Variants in CALY observed in about 807,000 individuals in gnomAD.
CALY encodes the protein calcyon neuron specific vesicular protein, also known as neuron-specific vesicular protein calcyon.
A neutral mutation model predicts 20.2 loss-of-function variants in CALY; 15 were observed. That is an observed-to-expected ratio of 0.74 (90% CI 0.50 to 1.14). The LOEUF (loss-of-function observed/expected upper bound fraction) is 1.14. CALY is among the 50% of genes most tolerant of loss of function. The pLI is 0.00. For synonymous variants in CALY, 129 were observed against 131.8 expected (o/e 0.98, Z 0.15); for missense variants, 270 against 304.4 (o/e 0.89, Z 0.84).
chr10:133,329,146 G>C, intron 1 of CALY, 137 bp from the exon 2 acceptor site: 1 of 723,388 alleles, frequency 1.4e-6, no homozygotes, highest in South Asian at 2.0e-5. Context: ...TAAGTGGTCA[G>C]GCCAGCCTCC....
chr10:133,327,500 A>G, intron 3 of CALY: 1 of 567,142 alleles, frequency 1.8e-6, no homozygotes, highest in Non-Finnish European at 3.1e-6. Flanking sequence ...GACTAAAGCT[A>G]TCATTAGTAA....
rs2136168042 is a variant in CALY, at chr10:133,327,097, T to C, written c.247-106A>G. ...ACAGGACCATCCCCGCCCTCCAGTCTTGATGCCCCACCCCCGCCCTGGGCA... is the reference window on the plus strand; with the variant it reads ...ACAGGACCATCCCCGCCCTCCAGTCCTGATGCCCCACCCCCGCCCTGGGCA... On this transcript the variant is annotated intron_variant, in intron 3 of 5. Coordinates refer to ENST00000252939, the MANE Select transcript of CALY (RefSeq NM_015722.4). 5.2e-6 allele frequency: 4 copies of C among 763,418 alleles called. No homozygotes were observed. In the South Asian group the frequency reaches 6.2e-5, roughly 12 times the overall value. 47.3% of individuals were successfully genotyped at this position (763,418 alleles called of 1,614,324 possible).
In CALY at chr10:133,330,657, CAAA is replaced by C. The variant is rs58004815; in HGVS notation, c.-20-1651_-20-1649del. 1.3e-4 allele frequency among the ~76,000 whole-genome samples: 6 copies of C among 44,844 alleles called. 2 individuals are homozygous for C. In the South Asian group the frequency reaches 7.3e-3, roughly 54 times the overall value. 29.4% of individuals were successfully genotyped at this position (44,844 alleles called of 152,430 possible). ...TGGGTGACAGAGAGAGACTCCGTCT[CAAA>C]AAAAAAAAAAAAAGGAATCTGTCAT... is the stretch of plus-strand genomic sequence containing the variant. On this transcript the variant is annotated intron_variant, in intron 1 of 5. Transcript: ENST00000252939.
chr10:133,326,262 C>T lies in CALY; in HGVS notation c.361-142G>A, dbSNP rs1045122311. 3.9e-6 allele frequency: 6 copies of T among 1,550,400 alleles called. No individual in the cohort carries two copies. In the African/African-American group the frequency reaches 8.2e-5, roughly 21 times the overall value. On this transcript the variant is annotated intron_variant, in intron 4 of 5. Transcript: ENST00000252939. Reference sequence around the variant, plus strand: ...CTTCAGGACACCGAAGATCAGCCTCCAGTTCAGAACTCAGGGCCCTGGAGG... The same window carrying T: ...CTTCAGGACACCGAAGATCAGCCTCTAGTTCAGAACTCAGGGCCCTGGAGG...
intron 5 of CALY, 52 bp from the exon 6 acceptor site, chr10:133,325,618 C>G (rs1848188685): frequency 6.4e-6 from 2 of 311,334 alleles, no homozygotes; most frequent in African/African-American, 4.4e-5. Flanking sequence ...CAGGGGCTCC[C>G]CGCGGACCCC....
intron 4 of CALY, chr10:133,326,457 G>T: frequency 1.8e-6 from 1 of 567,700 alleles, no homozygotes; most frequent in Non-Finnish European, 3.2e-6. Flanking sequence ...TAAATAAAAG[G>T]CTTTCTAAAA....
At position 133,327,674 on chromosome 10, in the gene CALY, T is replaced by G. The variant is rs929098640; in HGVS notation, c.246+231A>C. The G allele has an allele frequency of 3.2e-5, 20 of 630,400 alleles. No individual in the cohort carries two copies. In the Admixed American group the frequency reaches 5.2e-4, roughly 16 times the overall value. The allele number at this position is 630,400 out of a possible 1,614,324, so 39.1% of individuals were successfully genotyped here. A position where few individuals can be genotyped will look rare whatever the true frequency, so the allele number is the denominator to read the frequency against. On this transcript the variant is annotated intron_variant, in intron 3 of 5. Coordinates refer to ENST00000252939, the MANE Select transcript of CALY (RefSeq NM_015722.4). ...GGCACTTCCCAGAAAGAAAAACATCTCAGGAGCGCCACTGTTTGGTCAGTC... is the reference window on the plus strand; with the variant it reads ...GGCACTTCCCAGAAAGAAAAACATCGCAGGAGCGCCACTGTTTGGTCAGTC...
chr10:133,333,756 G>A (rs373192962), intron 1 of CALY, among the ~76,000 whole-genome samples: 1 of 54 alleles, frequency 0.019, no homozygotes, highest in Non-Finnish European at 0.031. Context: ...AAGGCTCTGA[G>A]GGGGGAAGGA....
intron 1 of CALY, among the ~76,000 whole-genome samples, chr10:133,330,327 T>C (rs1017811261): frequency 2.7e-5 from 3 of 110,458 alleles, no homozygotes; most frequent in African/African-American, 1.1e-4. Flanking sequence ...CACTCCAGCC[T>C]AGGTGACAGA....
Position 133,324,900 on chromosome 10 carries a change from TC to T in CALY, c.*694del. ...GACCCCAGCCCCCAGGAACCAGAGC[TC>T]ACCCCTCATCAGGCCCCACTCCCCA... is the stretch of plus-strand genomic sequence containing the variant. On this transcript the variant is annotated 3_prime_UTR_variant, in exon 6 of 6. Coordinates refer to ENST00000252939, the MANE Select transcript of CALY (RefSeq NM_015722.4). 1 of 254,126 alleles carries T rather than the reference TC, an allele frequency of 3.9e-6. No individual in the cohort carries two copies. The highest frequency in any genetic ancestry group is 3.7e-5 in the South Asian group (1 of 26,828). 15.7% of individuals were successfully genotyped at this position (254,126 alleles called of 1,614,324 possible). A position where few individuals can be genotyped will look rare whatever the true frequency, so the allele number is the denominator to read the frequency against.
chr10:133,330,694 T>C (rs1848291544), intron 1 of CALY, among the ~76,000 whole-genome samples: 2 of 140,444 alleles, frequency 1.4e-5, no homozygotes, highest in Non-Finnish European at 3.1e-5. Context: ...ATTACAACCT[T>C]CTCTCACAAA....
intron 1 of CALY, among the ~76,000 whole-genome samples, chr10:133,333,597 G>A (rs1398873542): frequency 6.6e-6 from 1 of 151,454 alleles, no homozygotes; most frequent in African/African-American, 2.4e-5. Context: ...AAGGGTCGGA[G>A]AGCGGAGGTA....
At chr10:133,328,136 TC>T in intron 2 of CALY, 121 bp from the exon 3 acceptor site, 1 of 673,390 alleles carries the variant, frequency 1.5e-6, no homozygotes, top group African/African-American at 1.8e-5. Context: ...CTGACCCATC[TC>T]CCAGGACTGT....
intron 1 of CALY, among the ~76,000 whole-genome samples, chr10:133,333,125 C>T (rs1045707067): frequency 4.6e-5 from 7 of 151,794 alleles, no homozygotes; most frequent in Non-Finnish European, 7.4e-5. Context: ...GTAGGCACCA[C>T]GGGAACAGGA....
rs142150844 is a variant in CALY at position 133,335,777 on chromosome 10, G to A, written c.-21+1057C>T. Among the ~76,000 whole-genome samples the A allele has an allele frequency of 6.6e-3, 1,008 of 152,290 alleles. 9 individuals carry two copies. Among genetic ancestry groups the A allele is most frequent in the Middle Eastern group, 0.034 (10 of 294 alleles). On this transcript the variant is annotated intron_variant, in intron 1 of 5. Transcript: ENST00000252939. ...CCTGCGCTGTCGCGGCATCTTCTGC[G>A]GGTCCCCTGCGCCCCACCCGCCGCG... is the stretch of plus-strand genomic sequence containing the variant.
At chr10:133,328,774 A>C in intron 2 of CALY, 81 bp downstream of exon 2, 1 of 1,383,132 alleles carries the variant, frequency 7.2e-7, no homozygotes, top group Non-Finnish European at 9.6e-7. Context: ...GGAAGAGGCC[A>C]TATCTAGACA....
chr10:133,325,944 G>T lies in CALY; in HGVS notation c.537C>A (p.Pro179=). ...YRAAKEERKG[P]TQAGAAAAAT... ...CCGCCGCCGCCGCCCCAGCCTGGGT[G>T]GGCCCCTTGCGCTCCTCCTTGGCTG... The change falls in exon 5 of 6, where the codon CCC becomes CCA. Residue 179 remains proline, a synonymous_variant. Coordinates refer to ENST00000252939, the MANE Select transcript of CALY (RefSeq NM_015722.4). 6.9e-7 allele frequency: 1 copy of T among 1,453,098 alleles called. No individual in the cohort carries two copies. The highest frequency in any genetic ancestry group is 1.4e-5 in the South Asian group (1 of 71,304). The allele number at this position is 1,453,098 out of a possible 1,614,324, so 90.0% of individuals were successfully genotyped here.
In CALY at chr10:133,332,637, A is replaced by G. The variant is rs116193488; in HGVS notation, c.-20-3628T>C. Among the ~76,000 whole-genome samples the G allele has an allele frequency of 1.0e-3, 157 of 152,344 alleles. 1 individual carries two copies. The highest frequency in any genetic ancestry group is 3.4e-3 in the Middle Eastern group (1 of 294). The stretch of plus-strand genomic sequence containing the variant: ...ATTGTGGGTTGAATGATGTTCCCTC[A>G]AAAATACATCCAAGTCCTAGGATCT... On this transcript the variant is annotated intron_variant, in intron 1 of 5. Coordinates refer to ENST00000252939, the MANE Select transcript of CALY (RefSeq NM_015722.4).
intron 1 of CALY, among the ~76,000 whole-genome samples, chr10:133,333,636 G>A (rs1848361172): frequency 1.3e-5 from 2 of 150,848 alleles, no homozygotes; most frequent in East Asian, 3.9e-4. Flanking sequence ...GAGGGGGAAA[G>A]ATCTGAGAGT....
Sources: gnomAD v4.1 joint callset for allele counts (sites outside exome capture counted in the v4.1 genomes callset) on GRCh38, gnomAD v4.1.1 for gene constraint, MANE v1.5 for transcripts, NCBI Gene and HGNC (gene_info 2026-07-23, HGNC 2026-07-21) for gene names.